SRGAP1: variants seen among roughly 807,000 people sequenced by gnomAD.
The protein encoded by SRGAP1 is SLIT-ROBO Rho GTPase-activating protein 1.
SRGAP1 carries 43 observed loss-of-function variants against 121.9 expected under a neutral mutation model. The observed-to-expected ratio is 0.35, with a 90% CI of 0.28 to 0.46. SRGAP1 has a LOEUF of 0.46. Ranked by LOEUF, SRGAP1 falls within the 20% of genes least tolerant of loss-of-function variation. The probability of loss-of-function intolerance (pLI) is 1.00; values close to 1 mark genes in which losing one functional copy is unlikely to be tolerated. For missense variants in SRGAP1, 1,102 were observed against 1,350.9 expected (o/e 0.82, Z 2.89); for synonymous variants, 447 against 485.4 (o/e 0.92, Z 1.04).
intron 21 of SRGAP1, among the ~76,000 whole-genome samples, chr12:64,140,076 G>C (rs1324635549): frequency 6.7e-6 from 1 of 148,884 alleles, no homozygotes; most frequent in Admixed American, 6.6e-5. Context: ...ATTTCTGAGG[G>C]CTCTGTTCTG....
chr12:64,098,541 G>A (rs1045153240), intron 15 of SRGAP1, among the ~76,000 whole-genome samples: 2 of 152,152 alleles, frequency 1.3e-5, no homozygotes, highest in South Asian at 2.1e-4. Flanking sequence ...ATGGTGGCAT[G>A]CACCTGGATT....
At chr12:64,124,305 T>C (rs1191695612) in intron 18 of SRGAP1, among the ~76,000 whole-genome samples, 3 of 152,022 alleles carry the variant, frequency 2.0e-5, no homozygotes, top group African/African-American at 7.2e-5. Context: ...GCTATTGCAG[T>C]AAACTTTTGG....
intron 15 of SRGAP1, among the ~76,000 whole-genome samples, chr12:64,107,517 A>G (rs1372083675): frequency 6.6e-6 from 1 of 152,210 alleles, no homozygotes; most frequent in East Asian, 1.9e-4. Flanking sequence ...TTTCCCATTC[A>G]AGGGAGAAAA....
At chr12:64,076,540 TAAA>T (rs1321487928) in intron 8 of SRGAP1, among the ~76,000 whole-genome samples, 1 of 150,628 alleles carries the variant, frequency 6.6e-6, no homozygotes, top group East Asian at 2.0e-4. Context: ...GAAGAAATAA[TAAA>T]AACGCAGCAT....
chr12:63,958,635 T>C (rs938841604), intron 1 of SRGAP1, among the ~76,000 whole-genome samples: 4 of 152,198 alleles, frequency 2.6e-5, no homozygotes, highest in African/African-American at 9.6e-5. Context: ...TAATTAGGTT[T>C]GCAAATAGGA....
chr12:63,891,371 C>T (rs1900574415), intron 1 of SRGAP1, among the ~76,000 whole-genome samples: 1 of 152,174 alleles, frequency 6.6e-6, no homozygotes, highest in Non-Finnish European at 1.5e-5. Context: ...TCTTTCCTAC[C>T]ATCTCCACAC....
intron 10 of SRGAP1, chr12:64,081,813 A>T (rs1021005958): frequency 1.3e-5 from 2 of 151,808 alleles, no homozygotes; most frequent in African/African-American, 2.4e-5. Flanking sequence ...AAGAAGGTAC[A>T]GTCAATGTGG....
intron 2 of SRGAP1, among the ~76,000 whole-genome samples, 186 bp from the exon 3 acceptor site, chr12:63,989,724 A>T (rs1426862695): frequency 6.6e-6 from 1 of 152,246 alleles, no homozygotes; most frequent in South Asian, 2.1e-4. Context: ...TGCTGGCTCT[A>T]TGCCATCCAC....
At chr12:63,937,171 C>T (rs1208210895) in intron 1 of SRGAP1, among the ~76,000 whole-genome samples, 1 of 152,142 alleles carries the variant, frequency 6.6e-6, no homozygotes, top group Non-Finnish European at 1.5e-5. Context: ...ATTGGTTGGT[C>T]ATGATAACTG....
chr12:63,924,077 G>T (rs996656672), intron 1 of SRGAP1, among the ~76,000 whole-genome samples: 1 of 152,162 alleles, frequency 6.6e-6, no homozygotes, highest in Non-Finnish European at 1.5e-5. Context: ...GGAGGTGGAG[G>T]TTGCAGGGAG....
chr12:64,142,687 A>G lies in SRGAP1; in HGVS notation c.*15A>G, dbSNP rs375327312. 63 of 1,590,452 alleles carry G rather than the reference A, an allele frequency of 4.0e-5. No homozygotes were observed. In the South Asian group the frequency reaches 6.6e-4, roughly 17 times the overall value. On this transcript the variant is annotated 3_prime_UTR_variant, in exon 22 of 22. Coordinates refer to ENST00000355086, the MANE Select transcript of SRGAP1 (RefSeq NM_020762.4). ...GCACAATGTAAAAACCAGCCAAGCA[A>G]GGCCATAAAGGGAGGTGACTTAAAA...
At chr12:63,930,377 C>G (rs1592955385) in intron 1 of SRGAP1, among the ~76,000 whole-genome samples, 1 of 134,948 alleles carries the variant, frequency 7.4e-6, no homozygotes. Context: ...TTATTCAAAT[C>G]ATTTTTTTTC....
rs1445901052 is a variant in SRGAP1, at chr12:64,148,759, A to G, written c.*6087A>G. 2.0e-5 allele frequency: 3 copies of G among 152,184 alleles called. No individual in the cohort carries two copies. In the East Asian group the frequency reaches 5.8e-4, roughly 29 times the overall value. The allele number at this position is 152,184 out of a possible 1,614,324, so 9.4% of individuals were successfully genotyped here. On this transcript the variant is annotated 3_prime_UTR_variant, in exon 22 of 22. Coordinates refer to ENST00000355086, the MANE Select transcript of SRGAP1 (RefSeq NM_020762.4). ...TTTTATTAAAGTGCAGAATACTAAC[A>G]AAAGTGTGCAAATCATTAGTGTAAC...
intron 1 of SRGAP1, among the ~76,000 whole-genome samples, chr12:63,963,009 A>C (rs957403981): frequency 1.4e-4 from 21 of 152,200 alleles, no homozygotes; most frequent in Non-Finnish European, 5.9e-5. Context: ...TACTTGCTTT[A>C]ATGTAGCTTC....
intron 1 of SRGAP1, among the ~76,000 whole-genome samples, chr12:63,956,833 T>C (rs898316817): frequency 2.0e-5 from 3 of 149,192 alleles, no homozygotes; most frequent in Non-Finnish European, 4.4e-5. Context: ...GCAACAATCA[T>C]CACAATCAAT....
chr12:63,998,518 G>T (rs2033781213), intron 3 of SRGAP1, among the ~76,000 whole-genome samples: 1 of 152,098 alleles, frequency 6.6e-6, no homozygotes, highest in Admixed American at 6.6e-5. Context: ...GCATTAAAAA[G>T]CACCACACTT....
intron 1 of SRGAP1, among the ~76,000 whole-genome samples, chr12:63,933,769 G>T (rs144487724): frequency 1.1e-3 from 163 of 152,302 alleles, no homozygotes; most frequent in Middle Eastern, 3.4e-3. Flanking sequence ...TGAATCTAAT[G>T]TGAGGAAACC....
At chr12:63,964,747 A>T (rs2032739502) in intron 1 of SRGAP1, among the ~76,000 whole-genome samples, 1 of 152,210 alleles carries the variant, frequency 6.6e-6, no homozygotes, top group Admixed American at 6.5e-5. Flanking sequence ...AACATTTCAT[A>T]GCAGAGGACT....
Position 64,094,951 on chromosome 12 carries a change from C to T in SRGAP1, c.1559C>T (p.Pro520Leu), listed in dbSNP as rs1321506999. ...ACCCAGGACTCAGGACAGGTTATTC[C>T]CCTCATTGTGGAAAGCTGTATTCGG... ...TFVKDSGQVIPLIVESCIRFI... is the reference protein window; with the variant it reads ...TFVKDSGQVILLIVESCIRFI... The change falls in exon 13 of 22, where the codon CCC (proline) becomes CTC (leucine). Residue 520 changes from proline (P) to leucine (L), a missense_variant. Pro to Leu is a moderately conservative substitution (Grantham distance 98). Around this residue, in one of 3 missense-constraint regions of SRGAP1, gnomAD observed 747 missense variants for 929.4 expected, o/e 0.80. Transcript: ENST00000355086. The T allele has an allele frequency of 6.2e-7, 1 of 1,613,878 alleles. No individual in the cohort carries two copies. The highest frequency in any genetic ancestry group is 1.3e-5 in the African/African-American group (1 of 74,868).
Sources: gnomAD v4.1 joint callset for allele counts (sites outside exome capture counted in the v4.1 genomes callset) on GRCh38, gnomAD v4.1.1 for gene constraint, gnomAD v4.1.1 regional missense constraint, MANE v1.5 for transcripts, NCBI Gene and HGNC (gene_info 2026-07-23, HGNC 2026-07-21) for gene names.